Variants in CFAP58 observed in about 807,000 individuals in gnomAD.
The protein encoded by CFAP58 is cilia- and flagella-associated protein 58.
In CFAP58, 88 loss-of-function variants were observed where a neutral mutation model predicts 119.5. The observed-to-expected ratio is 0.74, with a 90% CI of 0.62 to 0.88. The LOEUF (loss-of-function observed/expected upper bound fraction) is 0.88. CFAP58 is among the 40% of genes least tolerant of loss of function. CFAP58 has a pLI of 0.00. For missense variants in CFAP58, 990 were observed against 1,021.2 expected (o/e 0.97, Z 0.42); for synonymous variants, 365 against 366.3 (o/e 1.00, Z 0.04).
intron 15 of CFAP58, among the ~76,000 whole-genome samples, chr10:104,412,948 G>A (rs550233288): frequency 1.3e-5 from 2 of 152,244 alleles, no homozygotes; most frequent in African/African-American, 2.4e-5. Context: ...CTTGGTACAC[G>A]TTCCCGTAAC....
the CFAP58 span, among the ~76,000 whole-genome samples, chr10:104,342,622 C>T: frequency 5.0e-5 from 7 of 140,208 alleles, no homozygotes; most frequent in African/African-American, 1.1e-4. Flanking sequence ...CACATGAGTT[C>T]AGTTTTAGAC....
At chr10:104,428,202 C>T (rs1043485979) in intron 15 of CFAP58, among the ~76,000 whole-genome samples, 1 of 152,124 alleles carries the variant, frequency 6.6e-6, no homozygotes, top group South Asian at 2.1e-4. Flanking sequence ...AGTAGGTCAT[C>T]ACTGTCAGCA....
chr10:104,364,973 T>G, intron 4 of CFAP58, 84 bp downstream of exon 4: 1 of 1,414,002 alleles, frequency 7.1e-7, no homozygotes, highest in Admixed American at 2.6e-5. Context: ...ATCTTGCTCC[T>G]TTCTCAAATT....
rs189810005 is a variant in CFAP58, at chr10:104,442,345, T to A, written c.2257-5353T>A. On this transcript the variant is annotated intron_variant, in intron 15 of 17. Coordinates refer to ENST00000369704, the MANE Select transcript of CFAP58 (RefSeq NM_001008723.2). ...TGGCTCATGCCTGTAATCCCAGCAC[T>A]TTGGGAGGCTAAGGAGGGCAGATCA... Among the ~76,000 whole-genome samples, 314 of 152,268 alleles carry A rather than the reference T, an allele frequency of 2.1e-3. 1 individual carries two copies. Among genetic ancestry groups the A allele is most frequent in the Non-Finnish European group, 3.3e-3 (225 of 68,016 alleles).
intron 15 of CFAP58, among the ~76,000 whole-genome samples, chr10:104,444,955 C>T (rs534757987): frequency 2.0e-5 from 3 of 152,306 alleles, no homozygotes; most frequent in African/African-American, 7.2e-5. Flanking sequence ...TTTCTCCATA[C>T]TTGTGGGCCC....
chr10:104,447,888 C>T (rs541541308), intron 16 of CFAP58, 71 bp downstream of exon 16: 2 of 1,486,444 alleles, frequency 1.3e-6, no homozygotes, highest in East Asian at 2.5e-5. Flanking sequence ...TGGACAAGTC[C>T]ACTGACTCCA....
intron 15 of CFAP58, among the ~76,000 whole-genome samples, chr10:104,441,960 A>G (rs2013043387): frequency 1.3e-5 from 2 of 152,220 alleles, no homozygotes; most frequent in Non-Finnish European, 2.9e-5. Flanking sequence ...TTCTGAAGCT[A>G]GATAGAAATG....
intron 1 of CFAP58, among the ~76,000 whole-genome samples, chr10:104,355,452 G>A (rs1031740857): frequency 2.1e-4 from 32 of 152,126 alleles, no homozygotes; most frequent in East Asian, 1.2e-3. Flanking sequence ...TACTCCTCTC[G>A]TTTCTTCCTT....
intron 15 of CFAP58, among the ~76,000 whole-genome samples, chr10:104,414,986 C>A (rs2012525767): frequency 6.6e-6 from 1 of 152,152 alleles, no homozygotes; most frequent in Non-Finnish European, 1.5e-5. Context: ...AGCAGGAATA[C>A]CTTGTGTTGC....
Position 104,380,012 on chromosome 10 carries a change from T to C in CFAP58, c.1174-17T>C. 6.2e-7 allele frequency: 1 copy of C among 1,607,974 alleles called. No individual in the cohort carries two copies. The highest frequency in any genetic ancestry group is 8.5e-7 in the Non-Finnish European group (1 of 1,177,098). On this transcript the variant is annotated splice_polypyrimidine_tract_variant and intron_variant, in intron 8 of 17. Transcript: ENST00000369704. Reference sequence around the variant, plus strand: ...AACATTATGAGTAATGTGACTGCTTTGTGCCCTTATTTTTAGAACATGCTT... The same window carrying C: ...AACATTATGAGTAATGTGACTGCTTCGTGCCCTTATTTTTAGAACATGCTT...
At chr10:104,349,815 T>A (rs1214244883), upstream of CFAP58, among the ~76,000 whole-genome samples, 2 of 152,038 alleles carry the variant, frequency 1.3e-5, no homozygotes, top group Non-Finnish European at 2.9e-5. Flanking sequence ...TGTGAAGAAG[T>A]GAGATCTGAA....
At chr10:104,358,047 A>G (rs2014613076) in intron 1 of CFAP58, among the ~76,000 whole-genome samples, 1 of 148,738 alleles carries the variant, frequency 6.7e-6, no homozygotes, top group Non-Finnish European at 1.5e-5. Flanking sequence ...ACATATACAC[A>G]CATATATGTA....
At chr10:104,428,183 C>G (rs1414064054) in intron 15 of CFAP58, among the ~76,000 whole-genome samples, 1 of 152,170 alleles carries the variant, frequency 6.6e-6, no homozygotes, top group East Asian at 1.9e-4. Flanking sequence ...GAGTGAACTT[C>G]CAGGAGGGAG....
At chr10:104,354,926 T>C (rs116140413) in intron 1 of CFAP58, among the ~76,000 whole-genome samples, 1,756 of 151,690 alleles carry the variant, frequency 0.012, 46 homozygotes, top group African/African-American at 0.041. Flanking sequence ...CTAGTTACTC[T>C]CTTGCTTCCT....
At chr10:104,414,632 TTTGTC>T in intron 15 of CFAP58, among the ~76,000 whole-genome samples, 1 of 152,242 alleles carries the variant, frequency 6.6e-6, no homozygotes, top group East Asian at 1.9e-4. Context: ...TAAGATGCCT[TTTGTC>T]TTGCCGCTAA....
chr10:104,391,683 G>T (rs914011570), intron 9 of CFAP58, among the ~76,000 whole-genome samples: 4 of 152,164 alleles, frequency 2.6e-5, no homozygotes, highest in African/African-American at 9.7e-5. Context: ...TTTCCTGGAA[G>T]TACTTTGTGC....
chr10:104,369,681 G>A (rs2014797432), intron 6 of CFAP58, among the ~76,000 whole-genome samples: 1 of 152,138 alleles, frequency 6.6e-6, no homozygotes, highest in African/African-American at 2.4e-5. Flanking sequence ...AATATGAATG[G>A]GGCATTTTGA....
At chr10:104,411,544 A>G (rs1209486241) in intron 15 of CFAP58, among the ~76,000 whole-genome samples, 2 of 152,132 alleles carry the variant, frequency 1.3e-5, no homozygotes, top group Non-Finnish European at 2.9e-5. Flanking sequence ...TCATTTTCAG[A>G]AAGCCTTTAT....
rs141701441 is a variant in CFAP58 at position 104,357,496 on chromosome 10, C to T, written c.10-845C>T. ...GCCTCAACACACCGTGGCCACCCCC[C>T]GCTGCCCTTTGCAGTCTTAGGGGCA... On this transcript the variant is annotated intron_variant, in intron 1 of 17. Coordinates refer to ENST00000369704, the MANE Select transcript of CFAP58 (RefSeq NM_001008723.2). Among the ~76,000 whole-genome samples, 593 of 152,248 alleles carry T rather than the reference C, an allele frequency of 3.9e-3. 7 individuals are homozygous for T. Among genetic ancestry groups the T allele is most frequent in the African/African-American group, 0.013 (527 of 41,524 alleles).
Sources: allele counts gnomAD v4.1 joint callset (sites outside exome capture counted in the v4.1 genomes callset), GRCh38; gene constraint gnomAD v4.1.1; transcripts MANE v1.5; gene names NCBI Gene and HGNC (gene_info 2026-07-23, HGNC 2026-07-21).